Variants in LHFPL3 observed in about 807,000 individuals in gnomAD.
LHFPL3 encodes LHFPL tetraspan subfamily member 3 protein.
In LHFPL3, 5 loss-of-function variants were observed where a neutral mutation model predicts 19.3. The ratio of observed to expected loss-of-function variants is 0.26; its 90% CI spans 0.14 to 0.54. The LOEUF is 0.54. Among genes scored for constraint, LHFPL3 ranks in the 20% least tolerant of loss-of-function variants. The pLI is 0.94. For missense variants in LHFPL3, 249 were observed against 307.4 expected, an observed-to-expected ratio of 0.81 and a Z score of 1.42; for synonymous variants, 133 against 126.2, an observed-to-expected ratio of 1.05 and a Z score of -0.36.
intron 1 of LHFPL3, among the ~76,000 whole-genome samples, chr7:104,703,314 A>G (rs1415020568): frequency 1.3e-5 from 2 of 152,214 alleles, no homozygotes; most frequent in Non-Finnish European, 2.9e-5. Context: ...CAAGTCCTTT[A>G]GCATGTTTAT....
chr7:104,529,332 C>T (rs1456600150), intron 1 of LHFPL3, among the ~76,000 whole-genome samples: 2 of 152,160 alleles, frequency 1.3e-5, no homozygotes, highest in Non-Finnish European at 2.9e-5. Flanking sequence ...TCATCTCTTG[C>T]TACTTCTTGT....
At chr7:104,604,219 T>G (rs962760206) in intron 1 of LHFPL3, among the ~76,000 whole-genome samples, 1 of 152,210 alleles carries the variant, frequency 6.6e-6, no homozygotes, top group Non-Finnish European at 1.5e-5. Context: ...TTGCACCCTC[T>G]GTAGCTGCAC....
chr7:104,602,456 GA>G (rs1227049181), intron 1 of LHFPL3, among the ~76,000 whole-genome samples: 4 of 152,288 alleles, frequency 2.6e-5, no homozygotes, highest in African/African-American at 9.6e-5. Context: ...AGAAGATTCT[GA>G]AAAGCTGCTT....
intron 1 of LHFPL3, among the ~76,000 whole-genome samples, chr7:104,581,757 T>A (rs762281205): frequency 2.0e-5 from 3 of 152,038 alleles, no homozygotes; most frequent in Non-Finnish European, 4.4e-5. Flanking sequence ...TCCCATTGAA[T>A]TATTTTGGCA....
intron 1 of LHFPL3, among the ~76,000 whole-genome samples, chr7:104,339,116 C>T (rs902925209): frequency 4.8e-4 from 73 of 151,992 alleles, no homozygotes; most frequent in African/African-American, 1.7e-3. Context: ...GGTGTGATGG[C>T]GAGTGCCTGT....
intron 1 of LHFPL3, among the ~76,000 whole-genome samples, chr7:104,659,936 T>C (rs1357427545): frequency 6.6e-6 from 1 of 151,938 alleles, no homozygotes; most frequent in Non-Finnish European, 1.5e-5. Context: ...CATGTCACTT[T>C]CCTCCTGATC....
At chr7:104,414,549 A>G (rs989847067) in intron 1 of LHFPL3, among the ~76,000 whole-genome samples, 3 of 152,252 alleles carry the variant, frequency 2.0e-5, no homozygotes, top group African/African-American at 7.2e-5. Context: ...ACTTTGTGCA[A>G]TCAATTAGAT....
intron 1 of LHFPL3, among the ~76,000 whole-genome samples, chr7:104,659,855 T>G (rs1792191551): frequency 6.6e-6 from 1 of 152,162 alleles, no homozygotes; most frequent in Non-Finnish European, 1.5e-5. Flanking sequence ...CTAGTCCTAA[T>G]AGTCAAGGGA....
intron 2 of LHFPL3, among the ~76,000 whole-genome samples, chr7:104,874,407 G>A (rs111892978): frequency 1.1e-5 from 1 of 90,936 alleles, no homozygotes; most frequent in Admixed American, 1.3e-4. Context: ...TTTTTTTTTT[G>A]GGGGGGGGAC....
At chr7:104,551,290 G>A (rs1379417676) in intron 1 of LHFPL3, among the ~76,000 whole-genome samples, 4 of 152,114 alleles carry the variant, frequency 2.6e-5, no homozygotes, top group Admixed American at 6.6e-5. Context: ...TCCTTTCTTA[G>A]GAAATTTTTC....
chr7:104,457,114 C>T (rs1562903239), intron 1 of LHFPL3, among the ~76,000 whole-genome samples: 1 of 151,958 alleles, frequency 6.6e-6, no homozygotes, highest in South Asian at 2.1e-4. Context: ...ATGCCCACTA[C>T]ATTTTTATTT....
In LHFPL3 at chr7:104,429,301, C is replaced by CTTTTT. The variant is rs71823474; in HGVS notation, c.445+100096_445+100100dup. ...ATTTCGGAATCTACCTATGTCATTC[C>CTTTTT]TTTTTTTTTTTTTTTTTTTTTTTGA... is the stretch of plus-strand genomic sequence containing the variant. On this transcript the variant is annotated intron_variant, in intron 1 of 2. Transcript: ENST00000424859. 1.5e-3 allele frequency among the ~76,000 whole-genome samples: 124 copies of CTTTTT among 84,510 alleles called. 6 individuals are homozygous for CTTTTT. The highest frequency in any genetic ancestry group is 0.013 in the East Asian group (37 of 2,774). The allele number at this position is 84,510 out of a possible 152,430, so 55.4% of individuals were successfully genotyped here. A position where few individuals can be genotyped will look rare whatever the true frequency, so the allele number is the denominator to read the frequency against.
At chr7:104,697,135 A>G (rs1026060750) in intron 1 of LHFPL3, among the ~76,000 whole-genome samples, 13 of 152,190 alleles carry the variant, frequency 8.5e-5, no homozygotes, top group Admixed American at 5.2e-4. Context: ...AGTTCCATTC[A>G]TGAGGGCTCT....
rs182980659 is a variant in LHFPL3, at chr7:104,594,796, G to A, written c.446-141879G>A. On this transcript the variant is annotated intron_variant, in intron 1 of 2. Transcript: ENST00000424859. ...TTTTATTTCATTAATTTGATCTTCA[G>A]TCACTGATACCCTTTCTTCCACTTG... Among the ~76,000 whole-genome samples, 104 of 152,180 alleles carry A rather than the reference G, an allele frequency of 6.8e-4. 1 individual carries two copies. Among genetic ancestry groups the A allele is most frequent in the Admixed American group, 6.3e-3 (96 of 15,288 alleles).
At chr7:104,495,115 A>G (rs1179476710) in intron 1 of LHFPL3, among the ~76,000 whole-genome samples, 1 of 152,118 alleles carries the variant, frequency 6.6e-6, no homozygotes, top group Non-Finnish European at 1.5e-5. Context: ...ATGGGTTTCC[A>G]TAGTCCAAAA....
At chr7:104,616,493 T>A (rs1008446103) in intron 1 of LHFPL3, among the ~76,000 whole-genome samples, 1 of 152,102 alleles carries the variant, frequency 6.6e-6, no homozygotes, top group African/African-American at 2.4e-5. Context: ...TAACTCAAGA[T>A]GGATTAAAGA....
chr7:104,841,683 C>T (rs1381435626), intron 2 of LHFPL3, among the ~76,000 whole-genome samples: 1 of 151,734 alleles, frequency 6.6e-6, no homozygotes, highest in Non-Finnish European at 1.5e-5. Context: ...TCTCTTCTCT[C>T]CTCTCAACTG....
At chr7:104,470,942 C>T (rs1396298454) in intron 1 of LHFPL3, among the ~76,000 whole-genome samples, 2 of 152,110 alleles carry the variant, frequency 1.3e-5, no homozygotes, top group Non-Finnish European at 2.9e-5. Context: ...CTGCCAGTCC[C>T]CCTGCCCCTA....
At chr7:104,411,629 A>C (rs1268586618) in intron 1 of LHFPL3, among the ~76,000 whole-genome samples, 1 of 152,102 alleles carries the variant, frequency 6.6e-6, no homozygotes, top group Non-Finnish European at 1.5e-5. Context: ...AGAAAACAAA[A>C]TTTGCTCTTT....
Sources: gnomAD v4.1 joint callset for allele counts (sites outside exome capture counted in the v4.1 genomes callset) on GRCh38, gnomAD v4.1.1 for gene constraint, MANE v1.5 for transcripts, NCBI Gene and HGNC (gene_info 2026-07-23, HGNC 2026-07-21) for gene names.